Variants in LMX1B observed in about 807,000 individuals in gnomAD.
The protein encoded by LMX1B is LIM homeobox transcription factor 1-beta.
A neutral mutation model predicts 51.4 loss-of-function variants in LMX1B; 12 were observed. The ratio of observed to expected loss-of-function variants is 0.23; its 90% CI spans 0.15 to 0.38. LMX1B has a LOEUF of 0.38. Among genes scored for constraint, LMX1B ranks in the 10% least tolerant of loss-of-function variants. The pLI is 1.00. For missense variants in LMX1B, 445 were observed against 571.1 expected (o/e 0.78, Z 2.25); for synonymous variants, 237 against 235.4 (o/e 1.01, Z -0.06).
chr9:126,623,016 A>G (rs1171212714), intron 2 of LMX1B, among the ~76,000 whole-genome samples: 1 of 152,198 alleles, frequency 6.6e-6, no homozygotes, highest in African/African-American at 2.4e-5. Flanking sequence ...GCATGCAGTC[A>G]ATGTATGTTT....
rs886692526 is a variant in LMX1B at position 126,671,353 on chromosome 9, C to A, written c.327-19483C>A. Among the ~76,000 whole-genome samples, 1 of 152,146 alleles carries A rather than the reference C, an allele frequency of 6.6e-6. No homozygotes were observed. Among genetic ancestry groups the A allele is most frequent in the Non-Finnish European group, 1.5e-5 (1 of 68,000 alleles). ...AAATGAGGTGCGCCAGCAGAAGGCC[C>A]GCCAGGCCCACAGCCCTCCCCTCCC... On this transcript the variant is annotated intron_variant, in intron 2 of 7. Coordinates refer to ENST00000373474, the MANE Select transcript of LMX1B (RefSeq NM_001174147.2). The surrounding 1 kb of genome is among the most constrained non-coding windows in gnomAD (Gnocchi z 4.4).
Position 126,695,578 on chromosome 9 carries a change from C to T in LMX1B, c.887-261C>T, listed in dbSNP as rs1324698449. Among the ~76,000 whole-genome samples the T allele has an allele frequency of 5.3e-5, 8 of 152,132 alleles. No homozygotes were observed. The highest frequency in any genetic ancestry group is 8.8e-5 in the Non-Finnish European group (6 of 68,024). The stretch of plus-strand genomic sequence containing the variant: ...TCACTATTGCCTGTGTGGGGTCTGC[C>T]GCCTCCCTGGATCCCCTGGAGGGGC... On this transcript the variant is annotated intron_variant, in intron 6 of 7. Transcript: ENST00000373474. This position sits in a 1 kb window ranked among gnomAD's most constrained non-coding sequence, Gnocchi z 5.2.
intron 2 of LMX1B, among the ~76,000 whole-genome samples, chr9:126,617,259 C>T (rs1203730949): frequency 1.3e-5 from 2 of 152,006 alleles, no homozygotes; most frequent in African/African-American, 4.8e-5. Flanking sequence ...CCTGGCCTCA[C>T]TCTGCTTGCC....
At position 126,677,726 on chromosome 9, in the gene LMX1B, G is replaced by A. The variant is rs536779843; in HGVS notation, c.327-13110G>A. ...CGTGAGTGTAACGTCTAGTAGGAGCGTCTGCCAGCTTCATTCACAGCCTGC... is the reference window on the plus strand; with the variant it reads ...CGTGAGTGTAACGTCTAGTAGGAGCATCTGCCAGCTTCATTCACAGCCTGC... On this transcript the variant is annotated intron_variant, in intron 2 of 7. Coordinates refer to ENST00000373474, the MANE Select transcript of LMX1B (RefSeq NM_001174147.2). This position sits in a 1 kb window ranked among gnomAD's most constrained non-coding sequence, Gnocchi z 5.0. Among the ~76,000 whole-genome samples the A allele has an allele frequency of 1.3e-5, 2 of 152,286 alleles. No individual in the cohort carries two copies. The highest frequency in any genetic ancestry group is 4.8e-5 in the African/African-American group (2 of 41,546).
chr9:126,628,968 C>T (rs879333835), intron 2 of LMX1B, among the ~76,000 whole-genome samples: 9 of 143,052 alleles, frequency 6.3e-5, no homozygotes, highest in Middle Eastern at 7.1e-3. Flanking sequence ...AGCATATTTA[C>T]GCTTGATGGT....
chr9:126,630,145 G>A (rs1835607110), intron 2 of LMX1B, among the ~76,000 whole-genome samples: 1 of 135,554 alleles, frequency 7.4e-6, no homozygotes, highest in Non-Finnish European at 1.5e-5. Flanking sequence ...CTGGGCGACA[G>A]AGCAAGACTC....
chr9:126,650,540 G>A (rs947478986), intron 2 of LMX1B, among the ~76,000 whole-genome samples: 3 of 152,262 alleles, frequency 2.0e-5, no homozygotes, highest in East Asian at 1.9e-4. Flanking sequence ...AGTCAGCAGC[G>A]GCCAGGGAGA....
intron 2 of LMX1B, among the ~76,000 whole-genome samples, chr9:126,660,059 C>CTACACTGGCCTTGGAAATTGTCCTGT (rs1836205816): frequency 3.3e-5 from 2 of 59,812 alleles, no homozygotes; most frequent in East Asian, 4.0e-4. Context: ...GGTTGTCCTG[C>CTACACTGGCCTTGGAAATTGTCCTGT]GTGGGGGTGT....
intron 2 of LMX1B, among the ~76,000 whole-genome samples, chr9:126,655,322 AG>A (rs1414638080): frequency 6.6e-6 from 1 of 152,134 alleles, no homozygotes; most frequent in African/African-American, 2.4e-5. Flanking sequence ...TGGCTGCCCT[AG>A]ACCACCCCTC....
At chr9:126,619,180 C>G (rs1401667223) in intron 2 of LMX1B, among the ~76,000 whole-genome samples, 1 of 152,234 alleles carries the variant, frequency 6.6e-6, no homozygotes, top group Non-Finnish European at 1.5e-5. Flanking sequence ...AAAAATTTCC[C>G]CCAGCTGGCT....
chr9:126,640,334 C>G (rs2118879879), intron 2 of LMX1B, among the ~76,000 whole-genome samples: 1 of 152,264 alleles, frequency 6.6e-6, no homozygotes. Flanking sequence ...CCCTGTAGGC[C>G]TTGGTATGGG....
chr9:126,683,402 G>C (rs1004080343), intron 2 of LMX1B, among the ~76,000 whole-genome samples: 1 of 152,226 alleles, frequency 6.6e-6, no homozygotes, highest in Non-Finnish European at 1.5e-5. Flanking sequence ...ATAAAAAACA[G>C]CTACGCCCGG....
chr9:126,617,324 G>A (rs561582754), intron 2 of LMX1B, among the ~76,000 whole-genome samples: 7 of 151,824 alleles, frequency 4.6e-5, no homozygotes, highest in Non-Finnish European at 8.8e-5. Context: ...CAGCCTTTAC[G>A]ACAACACATG....
rs371052385 is a variant in LMX1B at position 126,619,020 on chromosome 9, C to T, written c.326+3451C>T. ...CTGCCCGGGCGGCCGAGCCTCTCGG[C>T]GACACAGACTTCAGGGCTCCGCCGG... On this transcript the variant is annotated intron_variant, in intron 2 of 7. Coordinates refer to ENST00000373474, the MANE Select transcript of LMX1B (RefSeq NM_001174147.2). 2.6e-5 allele frequency among the ~76,000 whole-genome samples: 4 copies of T among 152,068 alleles called. No individual in the cohort carries two copies. In the South Asian group the frequency reaches 8.3e-4, roughly 31 times the overall value.
At chr9:126,652,003 G>GGGC (rs1564155429) in intron 2 of LMX1B, among the ~76,000 whole-genome samples, 3 of 151,806 alleles carry the variant, frequency 2.0e-5, no homozygotes, top group African/African-American at 7.3e-5. Context: ...CCAGAGATGG[G>GGGC]GGGGGGCCTG....
At chr9:126,643,002 T>G (rs1835835559) in intron 2 of LMX1B, among the ~76,000 whole-genome samples, 3 of 152,246 alleles carry the variant, frequency 2.0e-5, no homozygotes, top group African/African-American at 7.2e-5. Flanking sequence ...ATGTTCCACT[T>G]AGGAAAGAAA....
At position 126,614,149 on chromosome 9, in the gene LMX1B, G is replaced by C. The variant is rs1237199804; in HGVS notation, c.-301G>C. 1.4e-5 allele frequency among the ~76,000 whole-genome samples: 2 copies of C among 142,274 alleles called. No individual in the cohort carries two copies. The highest frequency in any genetic ancestry group is 3.1e-5 in the Non-Finnish European group (2 of 64,786). The allele number at this position is 142,274 out of a possible 152,430, so 93.3% of individuals were successfully genotyped here. A position where few individuals can be genotyped will look rare whatever the true frequency, so the allele number is the denominator to read the frequency against. On this transcript the variant is annotated 5_prime_UTR_variant, in exon 1 of 8. Transcript: ENST00000373474. ...GCCGCCGCCTCCTCCCCGCGGCTCCGTCTGCAGCAGCCGCCGCCGCCGGGT... is the reference window on the plus strand; with the variant it reads ...GCCGCCGCCTCCTCCCCGCGGCTCCCTCTGCAGCAGCCGCCGCCGCCGGGT...
intron 2 of LMX1B, among the ~76,000 whole-genome samples, chr9:126,674,265 C>T (rs1010242966): frequency 5.3e-5 from 8 of 152,064 alleles, no homozygotes; most frequent in Non-Finnish European, 1.0e-4. Flanking sequence ...TGGAGCCCTC[C>T]TCACCCCAAC....
intron 2 of LMX1B, among the ~76,000 whole-genome samples, chr9:126,668,418 T>C (rs942250885): frequency 4.2e-5 from 6 of 143,976 alleles, no homozygotes; most frequent in East Asian, 3.9e-4. Flanking sequence ...GCTAAGACTT[T>C]AGCTTTACAA....
Sources: allele counts gnomAD v4.1 joint callset (sites outside exome capture counted in the v4.1 genomes callset), GRCh38; gene constraint gnomAD v4.1.1; non-coding constraint Gnocchi (gnomAD v3.1); transcripts MANE v1.5; gene names NCBI Gene and HGNC (gene_info 2026-07-23, HGNC 2026-07-21).